The following OGDHL variants were observed in gnomAD, a reference collection of about 807,000 sequenced individuals.
OGDHL encodes the protein oxoglutarate dehydrogenase L.
OGDHL carries 79 observed loss-of-function variants against 109.6 expected under a neutral mutation model. The observed-to-expected ratio is 0.72, with a 90% confidence interval of 0.60 to 0.87. The LOEUF (loss-of-function observed/expected upper bound fraction) is 0.87. Ranked by LOEUF, OGDHL falls within the 40% of genes least tolerant of loss-of-function variation. The pLI, the probability that OGDHL is intolerant of heterozygous loss-of-function variation, is 0.00. For synonymous variants in OGDHL, 528 were observed against 537.2 expected, an observed-to-expected ratio of 0.98 and a Z score of 0.24; for missense variants, 1,275 against 1,362.2, an observed-to-expected ratio of 0.94 and a Z score of 1.01.
rs112975216 is a variant in OGDHL at position 49,752,284 on chromosome 10, A to G, written c.479-36T>C. The stretch of plus-strand genomic sequence containing the variant: ...AGGCGTGGCCGAGCCCCGGGCAGCA[A>G]AGTGGAGGGAGGGAGGTCAGGCCCA... On this transcript the variant is annotated intron_variant, in intron 4 of 22. Transcript: ENST00000374103. 1.5e-3 allele frequency: 2,349 copies of G among 1,535,030 alleles called. 34 individuals carry two copies. The African/African-American group carries it at 0.025, about 16-fold the overall frequency.
At position 49,742,832 on chromosome 10, in the gene OGDHL, A is replaced by G; in HGVS notation, c.2008T>C (p.Phe670Leu). 6.2e-7 allele frequency: 1 copy of G among 1,612,756 alleles called. No homozygotes were observed. The highest frequency in any genetic ancestry group is 8.5e-7 in the Non-Finnish European group (1 of 1,179,734). The stretch of plus-strand genomic sequence containing the variant: ...GCTGAGCCCCACTGCGCTCACCTGA[A>G]TGTGCCCCTCTCCACATCCTGCCCG... ...LSGQDVERGTFSHRHHVLHDQ... is the reference protein window; with the variant it reads ...LSGQDVERGTLSHRHHVLHDQ... Residue 670 changes from phenylalanine (F) to leucine (L), a missense_variant, in exon 15 of 23, where the codon TTC becomes CTC. Transcript: ENST00000374103.
chr10:49,740,563 G>T, intron 16 of OGDHL, 147 bp downstream of exon 16: 1 of 1,004,260 alleles, frequency 1.0e-6, no homozygotes, highest in Non-Finnish European at 1.4e-6. Flanking sequence ...GGTGAGGGCA[G>T]CCCAATCACC....
chr10:49,753,912 A>G (rs1550341), intron 3 of OGDHL, among the ~76,000 whole-genome samples: 1 of 147,100 alleles, frequency 6.8e-6, no homozygotes, highest in Admixed American at 6.8e-5. Flanking sequence ...AAAAAAAAAA[A>G]GAACTGTTAT....
At chr10:49,741,771 C>A (rs1274718401) in intron 15 of OGDHL, among the ~76,000 whole-genome samples, 2 of 147,692 alleles carry the variant, frequency 1.4e-5, no homozygotes, top group African/African-American at 5.0e-5. Context: ...ACACCACATA[C>A]ACACACATCA....
chr10:49,745,980 G>A lies in OGDHL; in HGVS notation c.1297-3C>T, dbSNP rs1318857197. 1 of 1,613,414 alleles carries A rather than the reference G, an allele frequency of 6.2e-7. No homozygotes were observed. Among genetic ancestry groups the A allele is most frequent in the Non-Finnish European group, 8.5e-7 (1 of 1,179,446 alleles). On this transcript the variant is annotated splice_region_variant and splice_polypyrimidine_tract_variant and intron_variant, in intron 10 of 22. Coordinates refer to ENST00000374103, the MANE Select transcript of OGDHL (RefSeq NM_018245.3). ...CGGGGGTCTGTGGTGAATCCAATCT[G>A]CAGAGGCAGGAGAAACCTGCTGCGC...
Position 49,751,808 on chromosome 10 carries a change from C to T in OGDHL, c.749+19G>A, listed in dbSNP as rs561192712. 22 of 1,611,124 alleles carry T rather than the reference C, an allele frequency of 1.4e-5. No individual in the cohort carries two copies. In the Admixed American group the frequency reaches 2.2e-4, roughly 16 times the overall value. On this transcript the variant is annotated intron_variant, in intron 6 of 22. Coordinates refer to ENST00000374103, the MANE Select transcript of OGDHL (RefSeq NM_018245.3). ...TGGAGCAGGACCTCCAGCCACTTGG[C>T]CCTCCAGGTGGTGCCAACCTCATGG...
Position 49,747,026 on chromosome 10 carries a change from C to T in OGDHL, c.1167+3G>A. 1.2e-6 allele frequency: 2 copies of T among 1,613,590 alleles called. No individual in the cohort carries two copies. Among genetic ancestry groups the T allele is most frequent in the Non-Finnish European group, 1.7e-6 (2 of 1,179,592 alleles). ...TCCTCTGGGTTCCCCCAGGTGAGCT[C>T]ACCTTCTTGCCCTGGGCATCTCCAC... On this transcript the variant is annotated splice_donor_region_variant and intron_variant, in intron 9 of 22. Transcript: ENST00000374103.
At chr10:49,748,379 T>C (rs1842347226) in intron 8 of OGDHL, among the ~76,000 whole-genome samples, 1 of 152,178 alleles carries the variant, frequency 6.6e-6, no homozygotes, top group Admixed American at 6.5e-5. Flanking sequence ...TGTATCAGCA[T>C]GAAATGTTTC....
Position 49,758,542 on chromosome 10 carries a change from C to A in OGDHL, c.51G>T (p.Arg17Ser). 1.2e-6 allele frequency: 2 copies of A among 1,613,864 alleles called. No homozygotes were observed. Among genetic ancestry groups the A allele is most frequent in the Non-Finnish European group, 1.7e-6 (2 of 1,180,024 alleles). Residue 17 changes from arginine (R) to serine (S), a missense_variant, in exon 2 of 23, where the codon AGG (arginine) becomes AGT (serine). Coordinates refer to ENST00000374103, the MANE Select transcript of OGDHL (RefSeq NM_018245.3). Reference sequence around the variant, plus strand: ...CCGGGACGTCATGTGCAGCCAGGAGCCTCGCAGCCTGTACCCCAAGACGGG... The same window carrying A: ...CCGGGACGTCATGTGCAGCCAGGAGACTCGCAGCCTGTACCCCAAGACGGG... ...LPSRLGVQAA[R>S]LLAAHDVPVF... is the part of the protein sequence containing the mutation.
intron 15 of OGDHL, among the ~76,000 whole-genome samples, chr10:49,742,402 C>A (rs2132992482): frequency 1.4e-5 from 2 of 141,288 alleles, no homozygotes; most frequent in African/African-American, 2.6e-5. Flanking sequence ...CCACACACAC[C>A]ACACACACCA....
At chr10:49,741,001 G>C (rs1268424965) in intron 15 of OGDHL, among the ~76,000 whole-genome samples, 164 bp from the exon 16 acceptor site, 1 of 152,016 alleles carries the variant, frequency 6.6e-6, no homozygotes, top group Non-Finnish European at 1.5e-5. Flanking sequence ...TGGAAAACCA[G>C]AGCCATGTGG....
chr10:49,737,619 T>C (rs934307929), intron 20 of OGDHL, among the ~76,000 whole-genome samples, 167 bp downstream of exon 20: 1 of 151,950 alleles, frequency 6.6e-6, no homozygotes, highest in Non-Finnish European at 1.5e-5. Flanking sequence ...AGGTCAGCCA[T>C]TGTGCCAACC....
At chr10:49,752,348 C>A in intron 4 of OGDHL, 100 bp from the exon 5 acceptor site, 1 of 887,056 alleles carries the variant, frequency 1.1e-6, no homozygotes, top group Non-Finnish European at 1.8e-6. Context: ...CCCAGTCTCC[C>A]CAGTGCCCTC....
intron 3 of OGDHL, among the ~76,000 whole-genome samples, chr10:49,755,635 C>A (rs1258050837): frequency 6.6e-6 from 1 of 152,156 alleles, no homozygotes; most frequent in Non-Finnish European, 1.5e-5. Context: ...GGCTGCAGCC[C>A]TCCTGGTGGG....
chr10:49,758,401 C>A lies in OGDHL; in HGVS notation c.192G>T (p.Gln64His). Residue 64 changes from glutamine to histidine, a missense_variant, in exon 2 of 23, where the codon CAG (glutamine) becomes CAT (histidine). By Grantham distance (24) the Gln-to-His change is conservative. Coordinates refer to ENST00000374103, the MANE Select transcript of OGDHL (RefSeq NM_018245.3). ...TGGGGATGCTGACCTTGTGGACACTCTGGGGGTTTTCCAACCAGGCGAAGT... is the reference window on the plus strand; with the variant it reads ...TGGGGATGCTGACCTTGTGGACACTATGGGGGTTTTCCAACCAGGCGAAGT... ...EMYFAWLENP[Q>H]SVHKSWDSFF... The A allele has an allele frequency of 6.2e-7, 1 of 1,612,694 alleles. No homozygotes were observed.
chr10:49,751,810 C>T lies in OGDHL; in HGVS notation c.749+17G>A. The T allele has an allele frequency of 6.2e-7, 1 of 1,612,028 alleles. No individual in the cohort carries two copies. Among genetic ancestry groups the T allele is most frequent in the Non-Finnish European group, 8.5e-7 (1 of 1,179,364 alleles). The stretch of plus-strand genomic sequence containing the variant: ...GAGCAGGACCTCCAGCCACTTGGCC[C>T]TCCAGGTGGTGCCAACCTCATGGAG... On this transcript the variant is annotated intron_variant, in intron 6 of 22. Coordinates refer to ENST00000374103, the MANE Select transcript of OGDHL (RefSeq NM_018245.3).
chr10:49,761,530 G>T (rs1843278950), intron 1 of OGDHL, among the ~76,000 whole-genome samples: 1 of 152,246 alleles, frequency 6.6e-6, no homozygotes, highest in African/African-American at 2.4e-5. Context: ...CTTTTGCTCA[G>T]CAACAAACCG....
chr10:49,744,729 C>A lies in OGDHL; in HGVS notation c.1653G>T (p.Arg551=). Residue 551 remains arginine, a synonymous_variant, in exon 13 of 23, where the codon CGG becomes CGT. Coordinates refer to ENST00000374103, the MANE Select transcript of OGDHL (RefSeq NM_018245.3). The stretch of plus-strand genomic sequence containing the variant: ...ACCTGCCATAAGCCTCCTCACAGAT[C>A]CGGTCGTATTTGGCAATTTCTTCCT... The part of the protein sequence containing the change: ...EFEEEIAKYD[R]ICEEAYGRSK... 6.2e-7 allele frequency: 1 copy of A among 1,614,204 alleles called. No individual in the cohort carries two copies. Among genetic ancestry groups the A allele is most frequent in the Non-Finnish European group, 8.5e-7 (1 of 1,180,024 alleles).
chr10:49,739,828 C>T lies in OGDHL; in HGVS notation c.2152G>A (p.Gly718Ser). The T allele has an allele frequency of 1.2e-6, 2 of 1,613,592 alleles. No homozygotes were observed. The highest frequency in any genetic ancestry group is 1.7e-6 in the Non-Finnish European group (2 of 1,179,772). ...SEYGVLGFEL[G>S]YAMASPNALV... ...GCATTGGGGCTGGCCATGGCATAGC[C>T]CAGCTCAAAGCCTAAACAGAAGACA... Residue 718 changes from glycine (G) to serine (S), a missense_variant, in exon 17 of 23, where the codon GGC becomes AGC. By Grantham distance (56) the Gly-to-Ser change is moderately conservative. Coordinates refer to ENST00000374103, the MANE Select transcript of OGDHL (RefSeq NM_018245.3).
Sources: gnomAD v4.1 joint callset for allele counts (sites outside exome capture counted in the v4.1 genomes callset) on GRCh38, gnomAD v4.1.1 for gene constraint, MANE v1.5 for transcripts, NCBI Gene and HGNC (gene_info 2026-07-23, HGNC 2026-07-21) for gene names.